FAM167A: variants seen among roughly 807,000 people sequenced by gnomAD.
FAM167A encodes the protein protein FAM167A.
Under a neutral mutation model 14.9 loss-of-function variants are expected in FAM167A, and 23 were observed. The observed-to-expected ratio is 1.55, with a 90% CI of 1.11 to 2.19. FAM167A has a LOEUF of 2.19. FAM167A is among the 30% of genes most tolerant of loss of function. FAM167A has a pLI of 0.00. For synonymous variants in FAM167A, 174 were observed against 117.7 expected (o/e 1.48, Z -3.10); for missense variants, 401 against 281.5 (o/e 1.42, Z -3.04).
chr8:11,447,126 C>T (rs1806817072), intron 1 of FAM167A, among the ~76,000 whole-genome samples: 1 of 152,160 alleles, frequency 6.6e-6, no homozygotes, highest in South Asian at 2.1e-4. Context: ...GGGTAGGAAA[C>T]TGCTACAAGT....
At chr8:11,436,974 C>T (rs759107890) in intron 2 of FAM167A, among the ~76,000 whole-genome samples, 1 of 152,206 alleles carries the variant, frequency 6.6e-6, no homozygotes, top group South Asian at 2.1e-4. Flanking sequence ...AGATTCCTGC[C>T]TGCGCCTCCA....
chr8:11,437,511 T>C (rs75633990), intron 2 of FAM167A, among the ~76,000 whole-genome samples: 2,582 of 152,306 alleles, frequency 0.017, 66 homozygotes, highest in African/African-American at 0.059. Flanking sequence ...ACAACTAGGA[T>C]ATGGTAGAAT....
chr8:11,461,406 C>T (rs192589712), intron 1 of FAM167A, among the ~76,000 whole-genome samples: 171 of 152,392 alleles, frequency 1.1e-3, no homozygotes, highest in Middle Eastern at 6.8e-3. Flanking sequence ...CCCCGCCAAC[C>T]GCCACATGAG....
At chr8:11,472,217 C>A (rs140191760), upstream of FAM167A, among the ~76,000 whole-genome samples, 1,148 of 152,254 alleles carry the variant, frequency 7.5e-3, 17 homozygotes, top group African/African-American at 0.026. Flanking sequence ...GCACACCGCA[C>A]ACAGACATGA....
intron 2 of FAM167A, among the ~76,000 whole-genome samples, chr8:11,428,003 C>A (rs1004731592): frequency 2.6e-5 from 4 of 152,166 alleles, no homozygotes; most frequent in Non-Finnish European, 4.4e-5. Flanking sequence ...GTCAAACCTG[C>A]CTGAAAGATA....
In FAM167A at chr8:11,444,089, C is replaced by A. The variant is rs1806618762; in HGVS notation, c.323G>T (p.Gly108Val). The change falls in exon 2 of 3, where the codon GGC (glycine) becomes GTC (valine). Residue 108 changes from glycine (G) to valine (V), a missense_variant. Physicochemically the swap from Gly to Val is moderately radical, Grantham distance 109. Transcript: ENST00000284486. ...ASQGARPLSTGKLEGFQSIDE... is the reference protein window; with the variant it reads ...ASQGARPLSTVKLEGFQSIDE... ...GATGCTCTGAAAGCCTTCCAGCTTG[C>A]CAGTGGACAGGGGTCTGGCACCTTG... 1 of 1,613,456 alleles carries A rather than the reference C, an allele frequency of 6.2e-7. No homozygotes were observed. Among genetic ancestry groups the A allele is most frequent in the African/African-American group, 1.3e-5 (1 of 74,952 alleles).
Position 11,422,373 on chromosome 8 carries a change from G to GGTGTGTGTGTGTGGGGGT in FAM167A, c.*1999_*2000insACCCCCACACACACACAC, listed in dbSNP as rs1804804696. 8.3e-5 allele frequency: 10 copies of GGTGTGTGTGTGTGGGGGT among 120,250 alleles called. No individual in the cohort carries two copies. In the Middle Eastern group the frequency reaches 0.012, roughly 149 times the overall value. The allele number at this position is 120,250 out of a possible 1,614,324, so 7.4% of individuals were successfully genotyped here. A position where few individuals can be genotyped will look rare whatever the true frequency, so the allele number is the denominator to read the frequency against. On this transcript the variant is annotated 3_prime_UTR_variant, in exon 3 of 3. Coordinates refer to ENST00000284486, the MANE Select transcript of FAM167A (RefSeq NM_053279.3). ...TCTCTGTCGTGTGTGTGTGTGTGGGGGTGTGTGTGTGTGTGTGTGTGTGTG... is the reference window on the plus strand; with the variant it reads ...TCTCTGTCGTGTGTGTGTGTGTGGGGGTGTGTGTGTGTGGGGGTGTGTGTGTGTGTGTGTGTGTGTGTG...
chr8:11,434,692 C>T (rs750259776), intron 2 of FAM167A: 12 of 222,906 alleles, frequency 5.4e-5, no homozygotes, highest in South Asian at 1.4e-4. Flanking sequence ...TGATGCATTC[C>T]GAAGAGCCCC....
chr8:11,431,921 G>GC, intron 2 of FAM167A, among the ~76,000 whole-genome samples: 1 of 102,098 alleles, frequency 9.8e-6, no homozygotes, highest in African/African-American at 3.9e-5. Flanking sequence ...AAAAAAAAAG[G>GC]ATTTTGTTCT....
At chr8:11,464,764 T>A (rs556472383) in intron 1 of FAM167A, among the ~76,000 whole-genome samples, 362 of 152,342 alleles carry the variant, frequency 2.4e-3, no homozygotes, top group Non-Finnish European at 4.1e-3. Flanking sequence ...CGGGGCTTTC[T>A]GTGAGCAAGA....
At chr8:11,458,184 T>C (rs1186250007) in intron 1 of FAM167A, among the ~76,000 whole-genome samples, 1 of 152,186 alleles carries the variant, frequency 6.6e-6, no homozygotes, top group Non-Finnish European at 1.5e-5. Context: ...GGGATGCTGG[T>C]CTCAACTTTA....
chr8:11,429,753 G>A (rs888132703), intron 2 of FAM167A, among the ~76,000 whole-genome samples: 4 of 152,156 alleles, frequency 2.6e-5, no homozygotes, highest in Non-Finnish European at 5.9e-5. Context: ...CCACAGCCCT[G>A]GGTTAGAACC....
chr8:11,442,177 C>T (rs533213972), intron 2 of FAM167A, among the ~76,000 whole-genome samples: 12 of 152,348 alleles, frequency 7.9e-5, no homozygotes, highest in South Asian at 4.1e-4. Context: ...CCACCTTCCT[C>T]GCTTGGCCAG....
In FAM167A at chr8:11,421,835, G is replaced by A; in HGVS notation, c.*2538C>T. The A allele has an allele frequency of 2.5e-6, 1 of 398,736 alleles. No homozygotes were observed. The highest frequency in any genetic ancestry group is 4.4e-6 in the Non-Finnish European group (1 of 226,110). The allele number at this position is 398,736 out of a possible 1,614,324, so 24.7% of individuals were successfully genotyped here. On this transcript the variant is annotated 3_prime_UTR_variant, in exon 3 of 3. Transcript: ENST00000284486. ...ACTGTACACATGTGGTGAGCCAGGA[G>A]GCTGGGACGGAGGTTAGGCCAATGT...
intron 2 of FAM167A, among the ~76,000 whole-genome samples, chr8:11,436,985 A>C (rs1365986862): frequency 6.6e-6 from 1 of 152,190 alleles, no homozygotes. Context: ...TGCGCCTCCA[A>C]AGGGAAGTGA....
chr8:11,465,104 G>T (rs138832571), intron 1 of FAM167A, among the ~76,000 whole-genome samples: 5 of 152,150 alleles, frequency 3.3e-5, no homozygotes, highest in African/African-American at 1.2e-4. Context: ...AATTGAGGCC[G>T]GCCAGGCCCA....
At chr8:11,452,345 G>C (rs1303895390) in intron 1 of FAM167A, among the ~76,000 whole-genome samples, 3 of 152,226 alleles carry the variant, frequency 2.0e-5, no homozygotes, top group Non-Finnish European at 4.4e-5. Flanking sequence ...ATACATGCTG[G>C]GTCATGAGAC....
chr8:11,445,391 A>G, intron 1 of FAM167A: 4 of 985,690 alleles, frequency 4.1e-6, no homozygotes, highest in Non-Finnish European at 4.8e-6. Flanking sequence ...CTACGCTCCT[A>G]GCTTCTTCCT....
chr8:11,444,016 G>C lies in FAM167A; in HGVS notation c.381+15C>G. 1 of 1,598,388 alleles carries C rather than the reference G, an allele frequency of 6.3e-7. No homozygotes were observed. The highest frequency in any genetic ancestry group is 8.5e-7 in the Non-Finnish European group (1 of 1,171,588). ...ATCTCCTCTTTTCTGGGGATTCTTG[G>C]GGGCAGCCACTCACCAGTTCCTTCC... On this transcript the variant is annotated intron_variant, in intron 2 of 2. Transcript: ENST00000284486.
Sources: allele counts gnomAD v4.1 joint callset (sites outside exome capture counted in the v4.1 genomes callset), GRCh38; gene constraint gnomAD v4.1.1; transcripts MANE v1.5; gene names NCBI Gene and HGNC (gene_info 2026-07-23, HGNC 2026-07-21).